The following PDE3A variants were observed in gnomAD, a reference collection of about 807,000 sequenced individuals.
PDE3A encodes the protein cGMP-inhibited 3',5'-cyclic phosphodiesterase 3A.
Under a neutral mutation model 98.3 loss-of-function variants are expected in PDE3A, and 43 were observed. That is an observed-to-expected ratio of 0.44 (90% confidence interval 0.34 to 0.56). PDE3A has a LOEUF of 0.56. PDE3A is among the 20% of genes least tolerant of loss of function. PDE3A has a pLI of 0.01. For synonymous variants in PDE3A, 663 were observed against 567.9 expected, an observed-to-expected ratio of 1.17 and a Z score of -2.38; for missense variants, 1,427 against 1,440.7, an observed-to-expected ratio of 0.99 and a Z score of 0.15.
intron 2 of PDE3A, among the ~76,000 whole-genome samples, chr12:20,603,316 C>T (rs1160306576): frequency 6.6e-6 from 1 of 152,188 alleles, no homozygotes; most frequent in Non-Finnish European, 1.5e-5. Context: ...AAAAATACTT[C>T]CAACAATGGA....
In PDE3A at chr12:20,369,919, T is replaced by G. The variant is rs1006707341; in HGVS notation, c.635T>G (p.Val212Gly). 9 of 1,613,402 alleles carry G rather than the reference T, an allele frequency of 5.6e-6. No homozygotes were observed. Among genetic ancestry groups the G allele is most frequent in the Non-Finnish European group, 4.2e-6 (5 of 1,179,986 alleles). Residue 212 changes from valine to glycine, a missense_variant, in exon 1 of 16, where the codon GTC becomes GGC. Coordinates refer to ENST00000359062, the MANE Select transcript of PDE3A (RefSeq NM_000921.5). ...CTGGTGCTGAGGCTGAGGCTGGGCG[T>G]CCTCATGATCGCCTTGACTAGCGCG... ...TWLVLRLRLG[V>G]LMIALTSAVR... is the part of the protein sequence containing the mutation.
chr12:20,471,713 G>A (rs1945443099), intron 1 of PDE3A, among the ~76,000 whole-genome samples: 1 of 152,096 alleles, frequency 6.6e-6, no homozygotes, highest in Non-Finnish European at 1.5e-5. Flanking sequence ...GGGCAAATTG[G>A]TGTTATTTAT....
intron 1 of PDE3A, among the ~76,000 whole-genome samples, chr12:20,378,288 C>T (rs1406786169): frequency 6.6e-6 from 1 of 151,680 alleles, no homozygotes; most frequent in East Asian, 1.9e-4. Context: ...ATGTCCTCTC[C>T]ATCACCTTTC....
In PDE3A at chr12:20,646,743, C is replaced by G; in HGVS notation, c.2366-8C>G. The G allele has an allele frequency of 6.3e-7, 1 of 1,584,342 alleles. No individual in the cohort carries two copies. The highest frequency in any genetic ancestry group is 8.7e-7 in the Non-Finnish European group (1 of 1,153,432). On this transcript the variant is annotated splice_polypyrimidine_tract_variant and splice_region_variant and intron_variant, in intron 11 of 15. Coordinates refer to ENST00000359062, the MANE Select transcript of PDE3A (RefSeq NM_000921.5). Reference sequence around the variant, plus strand: ...AAAACTTCTTTGACTCTCATTTTCTCTTCTCAGATTCTGACAGTGGATTTA... The same window carrying G: ...AAAACTTCTTTGACTCTCATTTTCTGTTCTCAGATTCTGACAGTGGATTTA...
chr12:20,379,984 A>C lies in PDE3A; in HGVS notation c.960+9740A>C, dbSNP rs532689119. 5.9e-5 allele frequency among the ~76,000 whole-genome samples: 9 copies of C among 151,948 alleles called. No homozygotes were observed. In the South Asian group the frequency reaches 1.9e-3, roughly 31 times the overall value. ...TGAAAAATTTCTGAAATTTGGGTTC[A>C]TATTTTAGAAAAATAAAATGTCAAG... is the stretch of plus-strand genomic sequence containing the variant. On this transcript the variant is annotated intron_variant, in intron 1 of 15. Transcript: ENST00000359062.
At chr12:20,527,661 T>C (rs1946549919) in intron 1 of PDE3A, among the ~76,000 whole-genome samples, 2 of 152,134 alleles carry the variant, frequency 1.3e-5, no homozygotes, top group Admixed American at 1.3e-4. Flanking sequence ...AACTTTCTTA[T>C]TAGATCTGCA....
At chr12:20,575,754 ATCC>A (rs1370675114) in intron 2 of PDE3A, among the ~76,000 whole-genome samples, 1 of 151,742 alleles carries the variant, frequency 6.6e-6, no homozygotes, top group Non-Finnish European at 1.5e-5. Context: ...CTGTTCTTTC[ATCC>A]TCCTATTTTT....
At chr12:20,639,046 A>G (rs895941005) in intron 9 of PDE3A, among the ~76,000 whole-genome samples, 7 of 152,070 alleles carry the variant, frequency 4.6e-5, no homozygotes, top group African/African-American at 1.2e-4. Flanking sequence ...TTGACTTATT[A>G]TATCTTCAAG....
At chr12:20,625,434 C>A (rs1262873945) in intron 5 of PDE3A, among the ~76,000 whole-genome samples, 1 of 152,156 alleles carries the variant, frequency 6.6e-6, no homozygotes, top group Non-Finnish European at 1.5e-5. Context: ...CACCTATAAT[C>A]TAGACTCTGT....
intron 10 of PDE3A, among the ~76,000 whole-genome samples, chr12:20,640,863 T>C (rs1349029718): frequency 7.1e-6 from 1 of 140,264 alleles, no homozygotes; most frequent in Non-Finnish European, 1.7e-5. Flanking sequence ...TCAAACATAA[T>C]ATATTGATCG....
At chr12:20,464,232 A>AT (rs1173987293) in intron 1 of PDE3A, among the ~76,000 whole-genome samples, 1 of 152,204 alleles carries the variant, frequency 6.6e-6, no homozygotes, top group African/African-American at 2.4e-5. Flanking sequence ...GAATGCACAC[A>AT]AATATAATTG....
At chr12:20,640,039 A>G (rs754137007) in intron 10 of PDE3A, 82 bp downstream of exon 10, 69 of 675,594 alleles carry the variant, frequency 1.0e-4, no homozygotes, top group Non-Finnish European at 7.0e-5. Flanking sequence ...AATCATTAGC[A>G]GGTAGCACAG....
At chr12:20,627,670 C>T (rs974600755) in intron 5 of PDE3A, among the ~76,000 whole-genome samples, 3 of 149,918 alleles carry the variant, frequency 2.0e-5, no homozygotes, top group African/African-American at 7.3e-5. Flanking sequence ...CTTCCTATTA[C>T]TTGAATTTAA....
At chr12:20,469,644 A>G (rs1945402474) in intron 1 of PDE3A, among the ~76,000 whole-genome samples, 1 of 152,202 alleles carries the variant, frequency 6.6e-6, no homozygotes, top group Admixed American at 6.5e-5. Flanking sequence ...AAACACCGGA[A>G]TCTCCCTTCT....
At chr12:20,515,544 C>T (rs1946303522) in intron 1 of PDE3A, among the ~76,000 whole-genome samples, 1 of 152,056 alleles carries the variant, frequency 6.6e-6, no homozygotes, top group African/African-American at 2.4e-5. Context: ...GCCCTCTGGA[C>T]ACTCAAACTT....
At chr12:20,592,402 T>C (rs1943360656) in intron 2 of PDE3A, among the ~76,000 whole-genome samples, 1 of 152,218 alleles carries the variant, frequency 6.6e-6, no homozygotes, top group Non-Finnish European at 1.5e-5. Flanking sequence ...CCATATCCAA[T>C]CATTATGTTT....
chr12:20,498,160 G>T (rs1339181808), intron 1 of PDE3A, among the ~76,000 whole-genome samples: 1 of 152,016 alleles, frequency 6.6e-6, no homozygotes, highest in Non-Finnish European at 1.5e-5. Flanking sequence ...ATGTAAACTG[G>T]TAACTATACC....
At chr12:20,383,293 A>C (rs1429339177) in intron 1 of PDE3A, among the ~76,000 whole-genome samples, 1 of 151,882 alleles carries the variant, frequency 6.6e-6, no homozygotes. Context: ...CAAAAATTTT[A>C]GTTTCATTTT....
At chr12:20,646,380 A>C in intron 10 of PDE3A, 110 bp from the exon 11 acceptor site, 1 of 647,684 alleles carries the variant, frequency 1.5e-6, no homozygotes. Context: ...GCCAACTTTC[A>C]TGGAAATAGT....
Sources: allele counts gnomAD v4.1 joint callset (sites outside exome capture counted in the v4.1 genomes callset), GRCh38; gene constraint gnomAD v4.1.1; transcripts MANE v1.5; gene names NCBI Gene and HGNC (gene_info 2026-07-23, HGNC 2026-07-21).